POPDC1: variants seen among roughly 807,000 people sequenced by gnomAD.
POPDC1 encodes the protein popeye domain-containing protein 1.
chr6:105,106,604 A>G, the POPDC1 span, among the ~76,000 whole-genome samples: 1 of 152,136 alleles, frequency 6.6e-6, no homozygotes, highest in Non-Finnish European at 1.5e-5. Flanking sequence ...AACTGTTCAG[A>G]TGGCAGCCAG....
the POPDC1 span, among the ~76,000 whole-genome samples, chr6:105,123,194 T>C: frequency 6.6e-6 from 1 of 152,184 alleles, no homozygotes; most frequent in African/African-American, 2.4e-5. Flanking sequence ...CCTAAATAGA[T>C]TTACCTTCTT....
the POPDC1 span, among the ~76,000 whole-genome samples, chr6:105,119,926 G>GC: frequency 6.6e-6 from 1 of 152,102 alleles, no homozygotes; most frequent in Non-Finnish European, 1.5e-5. Flanking sequence ...CAAATAATAA[G>GC]CCGTACTTAG....
chr6:105,107,247 T>C, the POPDC1 span, among the ~76,000 whole-genome samples: 1 of 152,180 alleles, frequency 6.6e-6, no homozygotes, highest in Non-Finnish European at 1.5e-5. Flanking sequence ...TCACTTAACA[T>C]AATGAGAGGA....
the POPDC1 span, among the ~76,000 whole-genome samples, chr6:105,103,702 G>C: frequency 6.6e-6 from 1 of 152,152 alleles, no homozygotes; most frequent in Non-Finnish European, 1.5e-5. Flanking sequence ...TGAGGAAGTA[G>C]GACTAACTGG....
the POPDC1 span, chr6:105,100,641 CT>C: frequency 6.7e-6 from 1 of 150,076 alleles, no homozygotes; most frequent in Non-Finnish European, 1.5e-5. Flanking sequence ...AGATTCCCTG[CT>C]TTTTCATGTT....
At chr6:105,105,437 T>C in the POPDC1 span, among the ~76,000 whole-genome samples, 1 of 152,194 alleles carries the variant, frequency 6.6e-6, no homozygotes, top group Non-Finnish European at 1.5e-5. Context: ...AAGGATCACC[T>C]GCCCTGCCTC....
chr6:105,130,456 A>C, the POPDC1 span, among the ~76,000 whole-genome samples: 133,732 of 152,176 alleles, frequency 0.88, 59,754 homozygotes, highest in Non-Finnish European at 0.96. Context: ...AGGGAATGAA[A>C]TTTATAGTTT....
At chr6:105,100,905 T>C in the POPDC1 span, 1 of 507,390 alleles carries the variant, frequency 2.0e-6, no homozygotes, top group Non-Finnish European at 3.2e-6. Flanking sequence ...CTTTAAAAGC[T>C]GACTAATAAA....
the POPDC1 span, among the ~76,000 whole-genome samples, chr6:105,111,027 AC>A: frequency 6.6e-6 from 1 of 152,220 alleles, no homozygotes; most frequent in African/African-American, 2.4e-5. Context: ...CAAAATACTT[AC>A]AAAGATCTTA....
At chr6:105,098,574 A>AGAAAGT in the POPDC1 span, 39 of 152,330 alleles carry the variant, frequency 2.6e-4, no homozygotes, top group Admixed American at 4.6e-4. Flanking sequence ...GAAGGATGTT[A>AGAAAGT]CATCTAATGA....
At chr6:105,115,968 C>A in the POPDC1 span, 1 of 632,800 alleles carries the variant, frequency 1.6e-6, no homozygotes. Flanking sequence ...GGCCAATAAA[C>A]ATAAGCTATG....
the POPDC1 span, among the ~76,000 whole-genome samples, chr6:105,122,550 A>C: frequency 6.6e-6 from 1 of 152,210 alleles, no homozygotes; most frequent in Non-Finnish European, 1.5e-5. Context: ...CTGGAAACAA[A>C]GCAGGTTCAA....
the POPDC1 span, among the ~76,000 whole-genome samples, chr6:105,123,206 C>T: frequency 6.6e-6 from 1 of 152,148 alleles, no homozygotes; most frequent in Non-Finnish European, 1.5e-5. Context: ...TACCTTCTTG[C>T]CCACAAGCAA....
chr6:105,134,248 A>G, the POPDC1 span, among the ~76,000 whole-genome samples: 1 of 152,150 alleles, frequency 6.6e-6, no homozygotes, highest in Non-Finnish European at 1.5e-5. Context: ...TTAAATCTCT[A>G]CTTTATTTCC....
the POPDC1 span, among the ~76,000 whole-genome samples, chr6:105,126,927 T>C: frequency 2.6e-5 from 4 of 152,258 alleles, no homozygotes; most frequent in Middle Eastern, 3.4e-3. Flanking sequence ...CACTGGCAAA[T>C]AAGGCTGGCT....
chr6:105,107,705 T>C, the POPDC1 span, among the ~76,000 whole-genome samples: 1 of 152,228 alleles, frequency 6.6e-6, no homozygotes, highest in Non-Finnish European at 1.5e-5. Flanking sequence ...TGTTTAACCA[T>C]CTGGCCAACT....
chr6:105,133,641 T>C, the POPDC1 span: 4 of 1,295,874 alleles, frequency 3.1e-6, no homozygotes, highest in Non-Finnish European at 4.3e-6. Context: ...ATTGTATCTT[T>C]TTACCTTCAT....
the POPDC1 span, chr6:105,115,564 C>T: frequency 8.0e-7 from 1 of 1,251,162 alleles, no homozygotes; most frequent in Non-Finnish European, 1.1e-6. Context: ...TTTATTGTTA[C>T]CTTTAGGTTG....
the POPDC1 span, among the ~76,000 whole-genome samples, chr6:105,116,292 C>T: frequency 4.6e-5 from 7 of 152,166 alleles, no homozygotes; most frequent in Non-Finnish European, 1.0e-4. Flanking sequence ...TTCACTTTCT[C>T]GCCTGACCTG....
Sources: allele counts gnomAD v4.1 joint callset (sites outside exome capture counted in the v4.1 genomes callset), GRCh38; gene constraint gnomAD v4.1.1; transcripts MANE v1.5; gene names NCBI Gene and HGNC (gene_info 2026-07-23, HGNC 2026-07-21).